The following PRRC2B variants were observed in gnomAD, a reference collection of about 807,000 sequenced individuals.
PRRC2B encodes proline rich coiled-coil 2B.
PRRC2B carries 68 observed loss-of-function variants against 242.3 expected under a neutral mutation model. The observed-to-expected ratio is 0.28, with a 90% CI of 0.23 to 0.34. PRRC2B has a LOEUF of 0.34. PRRC2B is among the 10% of genes least tolerant of loss of function. The probability of loss-of-function intolerance (pLI) is 1.00; values close to 1 mark genes in which losing one functional copy is unlikely to be tolerated. For missense variants in PRRC2B, 2,835 were observed against 2,954.8 expected (o/e 0.96, Z 0.94); for synonymous variants, 1,228 against 1,173.6 (o/e 1.05, Z -0.95).
intron 22 of PRRC2B, among the ~76,000 whole-genome samples, 169 bp from the exon 23 acceptor site, chr9:131,483,190 C>G (rs1156677290): frequency 6.6e-6 from 1 of 152,214 alleles, no homozygotes; most frequent in Admixed American, 6.5e-5. Flanking sequence ...GGCGTCCTGT[C>G]TCCTGTGCCG....
intron 19 of PRRC2B, among the ~76,000 whole-genome samples, chr9:131,479,765 C>T (rs533385481): frequency 3.3e-5 from 5 of 152,274 alleles, no homozygotes; most frequent in African/African-American, 1.2e-4. Context: ...ATAGACCAGC[C>T]GCAAGAGTTC....
intron 12 of PRRC2B, among the ~76,000 whole-genome samples, chr9:131,466,725 TTCTC>T (rs1480661502): frequency 6.6e-6 from 1 of 152,158 alleles, no homozygotes; most frequent in Non-Finnish European, 1.5e-5. Flanking sequence ...GTTCAAGCGA[TTCTC>T]TCACCTCAAC....
intron 5 of PRRC2B, among the ~76,000 whole-genome samples, chr9:131,439,685 C>T (rs1252708089): frequency 6.6e-6 from 1 of 152,202 alleles, no homozygotes; most frequent in Admixed American, 6.5e-5. Context: ...AGGCTCTTCC[C>T]TCAGTCTCCA....
intron 14 of PRRC2B, among the ~76,000 whole-genome samples, chr9:131,471,434 G>A (rs1379891020): frequency 1.3e-5 from 2 of 151,946 alleles, no homozygotes; most frequent in Non-Finnish European, 2.9e-5. Flanking sequence ...CATATACTTA[G>A]TTTATTAATT....
chr9:131,469,314 A>T (rs1943477996), intron 13 of PRRC2B, among the ~76,000 whole-genome samples: 1 of 152,176 alleles, frequency 6.6e-6, no homozygotes, highest in South Asian at 2.1e-4. Context: ...AGCCTGGGTG[A>T]CAGAGCGAGA....
chr9:131,491,873 T>G (rs1480040021), intron 29 of PRRC2B, among the ~76,000 whole-genome samples: 1 of 152,130 alleles, frequency 6.6e-6, no homozygotes, highest in African/African-American at 2.4e-5. Context: ...AACAAAATAT[T>G]GTGATGGTTC....
At chr9:131,465,164 TA>T (rs1208906988) in intron 12 of PRRC2B, 86 bp downstream of exon 12, 1 of 1,286,458 alleles carries the variant, frequency 7.8e-7, no homozygotes, top group Non-Finnish European at 1.1e-6. Flanking sequence ...CCTTCTTAGC[TA>T]GCAGAACGTA....
chr9:131,485,984 T>G (rs1374061672), intron 25 of PRRC2B, 101 bp from the exon 26 acceptor site: 1 of 837,486 alleles, frequency 1.2e-6, no homozygotes, highest in Non-Finnish European at 2.0e-6. Context: ...CCCCACTGAG[T>G]CCCCTGGGTA....
Position 131,487,338 on chromosome 9 carries a change from G to C in PRRC2B, c.5984+44G>C. ...TTGCGGAGCTGGCAGCTCACAGCCAGGGCCTTGGCCCTGTGTGCAGCCTTC... is the reference window on the plus strand; with the variant it reads ...TTGCGGAGCTGGCAGCTCACAGCCACGGCCTTGGCCCTGTGTGCAGCCTTC... On this transcript the variant is annotated intron_variant, in intron 27 of 31. Coordinates refer to ENST00000683519, the MANE Select transcript of PRRC2B (RefSeq NM_013318.4). The surrounding 1 kb of genome is among the most constrained non-coding windows in gnomAD (Gnocchi z 5.3). 6.5e-7 allele frequency: 1 copy of C among 1,541,186 alleles called. No homozygotes were observed. The highest frequency in any genetic ancestry group is 8.8e-7 in the Non-Finnish European group (1 of 1,139,918).
In PRRC2B at chr9:131,481,734, G is replaced by T. The variant is rs765996415; in HGVS notation, c.4909G>T (p.Val1637Leu). The stretch of plus-strand genomic sequence containing the variant: ...TCTTCCTCCCCTGGCAGCTCTCCCT[G>T]TGCAGGCCCCAGCCAACGACTCCTG... ...IWESSSQALPVQAPANDSWRK... is the reference protein window; with the variant it reads ...IWESSSQALPLQAPANDSWRK... The change falls in exon 20 of 32, where the codon GTG becomes TTG. Residue 1637 changes from valine to leucine, a missense_variant. Val to Leu is a conservative substitution (Grantham distance 32). Around this residue, in one of 7 missense-constraint regions of PRRC2B, gnomAD observed 1,536 missense variants for 1,483.1 expected, o/e 1.04. Transcript: ENST00000683519. The T allele has an allele frequency of 7.7e-6, 12 of 1,562,418 alleles. No homozygotes were observed. Among genetic ancestry groups the T allele is most frequent in the Admixed American group, 1.9e-5 (1 of 52,714 alleles).
intron 5 of PRRC2B, among the ~76,000 whole-genome samples, chr9:131,443,360 TCTC>T (rs1838675414): frequency 1.3e-5 from 2 of 151,628 alleles, no homozygotes; most frequent in South Asian, 4.2e-4. Context: ...ATGGTCCCGA[TCTC>T]CTGACCTCAT....
At chr9:131,380,605 C>G (rs1017347284) in intron 1 of PRRC2B, among the ~76,000 whole-genome samples, 11 of 151,012 alleles carry the variant, frequency 7.3e-5, no homozygotes, top group Non-Finnish European at 1.6e-4. Context: ...AAAGGCCGGC[C>G]GCAGTGGCTC....
chr9:131,393,235 C>A (rs777331994), upstream of PRRC2B, among the ~76,000 whole-genome samples: 26 of 152,318 alleles, frequency 1.7e-4, no homozygotes, highest in South Asian at 1.2e-3. Context: ...TAGGGCATGG[C>A]CCGCAGCTGG....
At chr9:131,387,267 C>T (rs1836838187) in intron 1 of PRRC2B, among the ~76,000 whole-genome samples, 1 of 150,410 alleles carries the variant, frequency 6.6e-6, no homozygotes, top group South Asian at 2.1e-4. Flanking sequence ...TCCCAAAGTG[C>T]TGGGATTACA....
Position 131,384,083 on chromosome 9 carries a change from A to AT in PRRC2B, c.-56+10375dup, listed in dbSNP as rs111724850. 8.2e-3 allele frequency among the ~76,000 whole-genome samples: 481 copies of AT among 58,944 alleles called. 4 individuals are homozygous for AT. The highest frequency in any genetic ancestry group is 0.029 in the Middle Eastern group (3 of 102). The allele number at this position is 58,944 out of a possible 152,430, so 38.7% of individuals were successfully genotyped here. A position where few individuals can be genotyped will look rare whatever the true frequency, so the allele number is the denominator to read the frequency against. On this transcript the variant is annotated intron_variant, in intron 1 of 1. Coordinates refer to the PRRC2B transcript ENST00000682525. The stretch of plus-strand genomic sequence containing the variant: ...CAGGCACGTACCACCATACCCGGCT[A>AT]TTTTTTTTTTTTTTTTTTTTTTTGG...
At chr9:131,427,674 A>G (rs1838011866) in intron 1 of PRRC2B, among the ~76,000 whole-genome samples, 1 of 151,974 alleles carries the variant, frequency 6.6e-6, no homozygotes, top group Admixed American at 6.6e-5. Context: ...TGGGGTACAG[A>G]TTGCCCCCCA....
At chr9:131,476,570 T>C (rs769995458) in intron 16 of PRRC2B, 35 bp downstream of exon 16, 10 of 1,537,132 alleles carry the variant, frequency 6.5e-6, no homozygotes, top group Admixed American at 2.0e-5. Flanking sequence ...CTTTTTGTTG[T>C]TGTGTTCTGT....
intron 1 of PRRC2B, among the ~76,000 whole-genome samples, chr9:131,396,211 T>G (rs909931688): frequency 6.6e-6 from 1 of 152,118 alleles, no homozygotes; most frequent in Non-Finnish European, 1.5e-5. Flanking sequence ...GTTTGTTGAT[T>G]ATCTGTTTTT....
intron 10 of PRRC2B, among the ~76,000 whole-genome samples, chr9:131,457,034 T>G (rs957777067): frequency 1.3e-5 from 2 of 152,266 alleles, no homozygotes; most frequent in African/African-American, 2.4e-5. Context: ...AATATTTGTT[T>G]AGTCAAATCT....
Sources: allele counts gnomAD v4.1 joint callset (sites outside exome capture counted in the v4.1 genomes callset), GRCh38; gene constraint gnomAD v4.1.1; regional missense constraint gnomAD v4.1.1; non-coding constraint Gnocchi (gnomAD v3.1); transcripts MANE v1.5; gene names NCBI Gene and HGNC (gene_info 2026-07-23, HGNC 2026-07-21).